DIAPH2: variants seen among roughly 807,000 people sequenced by gnomAD.
DIAPH2 encodes the protein diaphanous related formin 2.
Under a neutral mutation model 92.7 loss-of-function variants are expected in DIAPH2, and 35 were observed. The ratio of observed to expected loss-of-function variants is 0.38; its 90% confidence interval spans 0.29 to 0.50. DIAPH2 has a LOEUF of 0.50. Among genes scored for constraint, DIAPH2 ranks in the 20% least tolerant of loss-of-function variants. DIAPH2 has a pLI of 0.94. For missense variants in DIAPH2, 701 were observed against 819.5 expected, an observed-to-expected ratio of 0.86 and a Z score of 1.77; for synonymous variants, 301 against 280.4, an observed-to-expected ratio of 1.07 and a Z score of -0.73.
At chrX:97,463,483 C>T (rs891787142) in intron 26 of DIAPH2, among the ~76,000 whole-genome samples, 11 of 109,491 alleles carry the variant, frequency 1.0e-4, no homozygotes, top group Non-Finnish European at 1.1e-4. Flanking sequence ...CTCTGCCTCC[C>T]GGGTTCAAGC....
At chrX:97,438,359 GTTTTTTTTTT>G (rs1238654436) in intron 26 of DIAPH2, among the ~76,000 whole-genome samples, 309 of 34,570 alleles carry the variant, frequency 8.9e-3, no homozygotes, top group African/African-American at 0.037. Flanking sequence ...TTGTTTGTTT[GTTTTTTTTTT>G]TTTTTTTTTT....
At chrX:97,411,484 A>AGTTGGT (rs2147759494) in intron 25 of DIAPH2, among the ~76,000 whole-genome samples, 1 of 112,075 alleles carries the variant, frequency 8.9e-6, no homozygotes, top group Admixed American at 9.4e-5. Flanking sequence ...CTAGGAAGAA[A>AGTTGGT]CTGCATCAAC....
chrX:96,962,504 T>TATACACACAC (rs2065870337), intron 16 of DIAPH2, among the ~76,000 whole-genome samples: 1 of 82,300 alleles, frequency 1.2e-5, no homozygotes, highest in African/African-American at 4.7e-5. Flanking sequence ...CACATATATA[T>TATACACACAC]ATATATATAT....
intron 21 of DIAPH2, among the ~76,000 whole-genome samples, chrX:97,117,628 G>A (rs749184731): frequency 8.9e-6 from 1 of 112,367 alleles, no homozygotes. Flanking sequence ...AAGGAGGCAT[G>A]TGGTTAAACT....
intron 25 of DIAPH2, among the ~76,000 whole-genome samples, chrX:97,417,988 A>G (rs1332325210): frequency 8.9e-6 from 1 of 111,897 alleles, no homozygotes; most frequent in Non-Finnish European, 1.9e-5. Flanking sequence ...TTAACTGATC[A>G]CTGAGATGGT....
At chrX:97,268,138 TTG>T (rs1446616482) in intron 23 of DIAPH2, among the ~76,000 whole-genome samples, 4 of 112,170 alleles carry the variant, frequency 3.6e-5, no homozygotes, top group Non-Finnish European at 7.5e-5. Context: ...TCTGGCCAAT[TTG>T]TGTTTTTCCC....
intron 17 of DIAPH2, among the ~76,000 whole-genome samples, chrX:97,063,054 A>T (rs1363866857): frequency 9.3e-6 from 1 of 108,071 alleles, no homozygotes; most frequent in Non-Finnish European, 1.9e-5. Context: ...AAAAAAAAAG[A>T]AGGAAATGAA....
intron 23 of DIAPH2, among the ~76,000 whole-genome samples, chrX:97,268,822 A>T (rs2068359603): frequency 9.5e-6 from 1 of 105,215 alleles, no homozygotes; most frequent in Non-Finnish European, 2.0e-5. Context: ...GCGTTCTTGT[A>T]TTCAGGCACT....
intron 17 of DIAPH2, among the ~76,000 whole-genome samples, chrX:96,987,424 C>T (rs2066040164): frequency 9.0e-6 from 1 of 111,291 alleles, no homozygotes; most frequent in Non-Finnish European, 1.9e-5. Context: ...TCCATTAGAC[C>T]TATGACCCAT....
At chrX:96,903,882 A>G (rs1342975223) in intron 5 of DIAPH2, among the ~76,000 whole-genome samples, 1 of 112,482 alleles carries the variant, frequency 8.9e-6, no homozygotes, top group African/African-American at 3.2e-5. Context: ...ATTGATTTTA[A>G]TAAATAAGGA....
intron 9 of DIAPH2, among the ~76,000 whole-genome samples, chrX:96,923,668 A>G (rs956494759): frequency 9.0e-6 from 1 of 111,605 alleles, no homozygotes; most frequent in East Asian, 2.8e-4. Context: ...GGAATCATCA[A>G]GAAGTGACAA....
chrX:97,578,433 C>T (rs1393286646), intron 26 of DIAPH2, among the ~76,000 whole-genome samples: 3 of 105,148 alleles, frequency 2.9e-5, no homozygotes, highest in Non-Finnish European at 5.8e-5. Flanking sequence ...TGGTTTTTTG[C>T]TCTTGCGATA....
At chrX:97,098,694 G>T (rs890252090) in intron 19 of DIAPH2, among the ~76,000 whole-genome samples, 5 of 112,369 alleles carry the variant, frequency 4.4e-5, no homozygotes, top group Non-Finnish European at 9.4e-5. Context: ...CAAAGTGCTG[G>T]GATTACAGGC....
intron 3 of DIAPH2, among the ~76,000 whole-genome samples, chrX:96,739,748 T>C (rs1054398359): frequency 8.9e-6 from 1 of 112,211 alleles, no homozygotes; most frequent in Non-Finnish European, 1.9e-5. Context: ...TTTTGGGTAT[T>C]CCCCTGAAAC....
intron 24 of DIAPH2, among the ~76,000 whole-genome samples, chrX:97,377,859 A>G (rs2069515204): frequency 9.0e-6 from 1 of 111,328 alleles, no homozygotes; most frequent in South Asian, 3.8e-4. Context: ...TTATCTAGGA[A>G]ATATGGAAAT....
chrX:97,203,346 C>T (rs937688558), intron 22 of DIAPH2, among the ~76,000 whole-genome samples: 10 of 75,475 alleles, frequency 1.3e-4, no homozygotes, highest in Non-Finnish European at 3.1e-4. Flanking sequence ...GAGATAGAGA[C>T]ACGAAAAACC....
intron 26 of DIAPH2, among the ~76,000 whole-genome samples, chrX:97,508,651 C>A (rs1318983519): frequency 1.8e-5 from 2 of 112,080 alleles, no homozygotes; most frequent in African/African-American, 6.5e-5. Context: ...CCTATGGAGT[C>A]ATTACTTACA....
At chrX:96,752,202 A>G (rs758263345) in intron 3 of DIAPH2, among the ~76,000 whole-genome samples, 3 of 111,879 alleles carry the variant, frequency 2.7e-5, no homozygotes, top group African/African-American at 9.7e-5. Flanking sequence ...CTGCCTAATT[A>G]GTAGAATGTA....
chrX:97,022,386 A>G (rs188251539), intron 17 of DIAPH2, among the ~76,000 whole-genome samples: 1 of 111,944 alleles, frequency 8.9e-6, no homozygotes, highest in Non-Finnish European at 1.9e-5. Context: ...TTCTTCTGGT[A>G]GGTGGAATAG....
Sources: allele counts gnomAD v4.1 joint callset (sites outside exome capture counted in the v4.1 genomes callset), GRCh38; gene constraint gnomAD v4.1.1; transcripts MANE v1.5; gene names NCBI Gene and HGNC (gene_info 2026-07-23, HGNC 2026-07-21).